LRRK2: variants seen among roughly 807,000 people sequenced by gnomAD.
The protein encoded by LRRK2 is leucine rich repeat kinase 2.
A neutral mutation model predicts 302.6 loss-of-function variants in LRRK2; 203 were observed. That is an observed-to-expected ratio of 0.67 (90% confidence interval 0.60 to 0.75). The LOEUF (loss-of-function observed/expected upper bound fraction) is 0.75. Ranked by LOEUF, LRRK2 falls within the 30% of genes least tolerant of loss-of-function variation. The probability of loss-of-function intolerance (pLI) is 0.00; values close to 1 mark genes in which losing one functional copy is unlikely to be tolerated. For synonymous variants in LRRK2, 1,066 were observed against 1,031.9 expected, an observed-to-expected ratio of 1.03 and a Z score of -0.63; for missense variants, 2,830 against 2,951.0, an observed-to-expected ratio of 0.96 and a Z score of 0.95.
chr12:40,298,985 A>G, intron 24 of LRRK2, 124 bp from the exon 25 acceptor site: 1 of 786,124 alleles, frequency 1.3e-6, no homozygotes, highest in Admixed American at 3.2e-5. Flanking sequence ...CATTTTTACA[A>G]CTAATTTTTA....
intron 40 of LRRK2, among the ~76,000 whole-genome samples, chr12:40,339,969 G>T (rs1945986912): frequency 6.6e-6 from 1 of 152,124 alleles, no homozygotes; most frequent in Non-Finnish European, 1.5e-5. Context: ...ATCATTGAGA[G>T]AATTCAGAAT....
At position 40,328,479 on chromosome 12, in the gene LRRK2, T is replaced by A; in HGVS notation, c.5757+19T>A. ...AAGACAAGTAAGAAATTCAATAATA[T>A]AATTATATTAAATTGCACATTATTA... On this transcript the variant is annotated intron_variant, in intron 39 of 50. Coordinates refer to ENST00000298910, the MANE Select transcript of LRRK2 (RefSeq NM_198578.4). 1 of 1,520,876 alleles carries A rather than the reference T, an allele frequency of 6.6e-7. No individual in the cohort carries two copies. The highest frequency in any genetic ancestry group is 2.3e-5 in the East Asian group (1 of 42,726). The allele number at this position is 1,520,876 out of a possible 1,614,324, so 94.2% of individuals were successfully genotyped here. A position where few individuals can be genotyped will look rare whatever the true frequency, so the allele number is the denominator to read the frequency against.
At chr12:40,326,139 G>A (rs377411668) in intron 38 of LRRK2, among the ~76,000 whole-genome samples, 6 of 152,058 alleles carry the variant, frequency 3.9e-5, no homozygotes, top group East Asian at 1.9e-4. Context: ...TTAATGCAGC[G>A]GCGATTCTCA....
intron 8 of LRRK2, among the ~76,000 whole-genome samples, chr12:40,250,164 C>T (rs1942189574): frequency 6.6e-6 from 1 of 152,106 alleles, no homozygotes; most frequent in African/African-American, 2.4e-5. Context: ...CTTGATTTAG[C>T]TTTGTCATTA....
At position 40,340,218 on chromosome 12, in the gene LRRK2, T is replaced by C. The variant is rs1244565172; in HGVS notation, c.5949-76T>C. On this transcript the variant is annotated intron_variant, in intron 40 of 50. Coordinates refer to ENST00000298910, the MANE Select transcript of LRRK2 (RefSeq NM_198578.4). ...TGATGCTTGACATAGTGGACATTTATATTTAAGGAAATTAGGACAAAAATT... is the reference window on the plus strand; with the variant it reads ...TGATGCTTGACATAGTGGACATTTACATTTAAGGAAATTAGGACAAAAATT... The C allele has an allele frequency of 1.3e-5, 19 of 1,472,236 alleles. 1 individual carries two copies. In the South Asian group the frequency reaches 1.9e-4, roughly 15 times the overall value. The allele number at this position is 1,472,236 out of a possible 1,614,324, so 91.2% of individuals were successfully genotyped here. A position where few individuals can be genotyped will look rare whatever the true frequency, so the allele number is the denominator to read the frequency against.
chr12:40,274,760 GA>G, intron 15 of LRRK2, 33 bp downstream of exon 15: 1 of 1,613,606 alleles, frequency 6.2e-7, no homozygotes, highest in East Asian at 2.2e-5. Context: ...ATTTAGAATA[GA>G]TTTTTGTAGG....
At chr12:40,292,547 T>C (rs1316015609) in intron 20 of LRRK2, among the ~76,000 whole-genome samples, 1 of 151,698 alleles carries the variant, frequency 6.6e-6, no homozygotes, top group Non-Finnish European at 1.5e-5. Context: ...TAATTGTTAC[T>C]AAATTATAAA....
intron 44 of LRRK2, among the ~76,000 whole-genome samples, chr12:40,353,954 G>A (rs1202351266): frequency 3.3e-5 from 5 of 152,176 alleles, no homozygotes; most frequent in African/African-American, 4.8e-5. Flanking sequence ...GCTTCGGCTC[G>A]GCATCAGAGG....
intron 11 of LRRK2, among the ~76,000 whole-genome samples, chr12:40,255,076 T>G (rs1375812925): frequency 6.6e-6 from 1 of 152,204 alleles, no homozygotes; most frequent in Admixed American, 6.5e-5. Flanking sequence ...TCCTATTCAA[T>G]TAATTAACTA....
intron 21 of LRRK2, among the ~76,000 whole-genome samples, chr12:40,294,405 C>T (rs983915410): frequency 1.7e-4 from 26 of 151,916 alleles, no homozygotes; most frequent in African/African-American, 6.3e-4. Flanking sequence ...TTGATTATAG[C>T]TGAGTACTAA....
At chr12:40,254,426 C>G (rs1942410052) in intron 11 of LRRK2, among the ~76,000 whole-genome samples, 1 of 152,152 alleles carries the variant, frequency 6.6e-6, no homozygotes, top group Admixed American at 6.6e-5. Flanking sequence ...GACAGACAGA[C>G]AGGGGCTGCT....
Position 40,274,834 on chromosome 12 carries a change from C to G in LRRK2, c.1802-20C>G. On this transcript the variant is annotated intron_variant, in intron 15 of 50. Transcript: ENST00000298910. ...TTCAGTTTTGAGATTTAAAACAATTCTTTTTTTTTATTTTCCTAGAAATTC... is the reference window on the plus strand; with the variant it reads ...TTCAGTTTTGAGATTTAAAACAATTGTTTTTTTTTATTTTCCTAGAAATTC... 6.2e-7 allele frequency: 1 copy of G among 1,601,462 alleles called. No homozygotes were observed. Among genetic ancestry groups the G allele is most frequent in the Non-Finnish European group, 8.5e-7 (1 of 1,169,866 alleles).
rs1239241865 is a variant in LRRK2, at chr12:40,293,536, T to G, written c.2690-9T>G. 1.3e-6 allele frequency: 2 copies of G among 1,534,374 alleles called. No individual in the cohort carries two copies. Among genetic ancestry groups the G allele is most frequent in the Admixed American group, 1.7e-5 (1 of 58,898 alleles). On this transcript the variant is annotated splice_polypyrimidine_tract_variant and intron_variant, in intron 20 of 50. Coordinates refer to ENST00000298910, the MANE Select transcript of LRRK2 (RefSeq NM_198578.4). ...TCACCTTCATGTTATTTTATCATTT[T>G]CAAAATAGGAAGTGAAGGCTCATTT...
intron 23 of LRRK2, among the ~76,000 whole-genome samples, 153 bp downstream of exon 23, chr12:40,295,797 T>A (rs1312676974): frequency 6.6e-6 from 1 of 152,214 alleles, no homozygotes; most frequent in African/African-American, 2.4e-5. Context: ...ACACATATCT[T>A]AGTCTGTGTG....
intron 18 of LRRK2, among the ~76,000 whole-genome samples, chr12:40,280,613 A>C (rs1943644895): frequency 7.4e-6 from 1 of 134,428 alleles, no homozygotes; most frequent in Non-Finnish European, 1.6e-5. Context: ...CAACAGAGCC[A>C]GACCCTGTTA....
chr12:40,353,577 G>A (rs1255293516), intron 44 of LRRK2, among the ~76,000 whole-genome samples: 3 of 151,888 alleles, frequency 2.0e-5, no homozygotes, highest in East Asian at 3.9e-4. Flanking sequence ...CTTCCCAGAC[G>A]GGGTGGCGGC....
At chr12:40,360,135 A>C (rs755704316) in intron 47 of LRRK2, among the ~76,000 whole-genome samples, 17 of 152,144 alleles carry the variant, frequency 1.1e-4, no homozygotes, top group Non-Finnish European at 2.4e-4. Context: ...GAACTTGGGC[A>C]ATAACCTTTC....
chr12:40,291,755 G>T (rs773076274), intron 20 of LRRK2, among the ~76,000 whole-genome samples: 1 of 151,880 alleles, frequency 6.6e-6, no homozygotes, highest in Non-Finnish European at 1.5e-5. Flanking sequence ...AGTTTTCTGT[G>T]ACTTCACTGA....
At chr12:40,237,840 AAC>A (rs1192400525) in intron 4 of LRRK2, 127 bp from the exon 5 acceptor site, 4 of 992,158 alleles carry the variant, frequency 4.0e-6, no homozygotes, top group Admixed American at 4.4e-5. Flanking sequence ...CAAACAAACA[AAC>A]AAACAAGAAA....
Sources: allele counts gnomAD v4.1 joint callset (sites outside exome capture counted in the v4.1 genomes callset), GRCh38; gene constraint gnomAD v4.1.1; transcripts MANE v1.5; gene names NCBI Gene and HGNC (gene_info 2026-07-23, HGNC 2026-07-21).